PKNOX2: variants seen among roughly 807,000 people sequenced by gnomAD.
PKNOX2 encodes the protein homeobox protein PKNOX2.
A neutral mutation model predicts 53.1 loss-of-function variants in PKNOX2; 14 were observed. The observed-to-expected ratio is 0.26, with a 90% CI of 0.17 to 0.41. The LOEUF is 0.41. PKNOX2 is among the 10% of genes least tolerant of loss of function. The pLI is 1.00. For missense variants in PKNOX2, 496 were observed against 602.8 expected, an observed-to-expected ratio of 0.82 and a Z score of 1.85; for synonymous variants, 257 against 242.8, an observed-to-expected ratio of 1.06 and a Z score of -0.54.
chr11:125,297,445 T>C (rs1448821318), intron 2 of PKNOX2, among the ~76,000 whole-genome samples: 3 of 152,208 alleles, frequency 2.0e-5, no homozygotes, highest in Admixed American at 6.5e-5. Flanking sequence ...CTTAGAGCCA[T>C]GTGCGGTATA....
At chr11:125,428,883 C>G (rs781304094) in intron 10 of PKNOX2, 129 bp from the exon 11 acceptor site, 14 of 867,420 alleles carry the variant, frequency 1.6e-5, no homozygotes, top group Non-Finnish European at 2.2e-5. Flanking sequence ...CATGACACTT[C>G]CCCAATTTTG....
In PKNOX2 at chr11:125,281,944, G is replaced by A. The variant is rs931601645; in HGVS notation, c.-130+46829G>A. 4.6e-5 allele frequency among the ~76,000 whole-genome samples: 7 copies of A among 152,170 alleles called. No individual in the cohort carries two copies. In the South Asian group the frequency reaches 6.2e-4, roughly 14 times the overall value. ...GAAAGACCTAGGAAAAAAGACCATC[G>A]TTCCAAGTGGAGAGGGCTGACATTC... is the stretch of plus-strand genomic sequence containing the variant. On this transcript the variant is annotated intron_variant, in intron 2 of 12. Transcript: ENST00000298282.
intron 2 of PKNOX2, among the ~76,000 whole-genome samples, chr11:125,245,153 C>A (rs1219626766): frequency 6.6e-6 from 1 of 152,184 alleles, no homozygotes; most frequent in African/African-American, 2.4e-5. Context: ...AACTACTCAG[C>A]CTTGGTGGCT....
chr11:125,364,591 G>C (rs909280483), intron 4 of PKNOX2, among the ~76,000 whole-genome samples: 1 of 152,174 alleles, frequency 6.6e-6, no homozygotes, highest in Non-Finnish European at 1.5e-5. Flanking sequence ...CTAGTGGGCA[G>C]AGCAGAGCAC....
At chr11:125,371,491 G>C (rs1446513844) in intron 5 of PKNOX2, among the ~76,000 whole-genome samples, 1 of 152,150 alleles carries the variant, frequency 6.6e-6, no homozygotes, top group Non-Finnish European at 1.5e-5. Context: ...TGCCAGCGGC[G>C]CAGAGGCAGG....
rs557611808 is a variant in PKNOX2 at position 125,206,002 on chromosome 11, G to T, written c.-200-29043G>T. ...GCTAAGGGAATTCCAGGAAGAAAGA[G>T]ATGGCTGTGCACCGGGGTGATCTGG... On this transcript the variant is annotated intron_variant, in intron 1 of 12. Transcript: ENST00000298282. Among the ~76,000 whole-genome samples, 11 of 152,200 alleles carry T rather than the reference G, an allele frequency of 7.2e-5. No individual in the cohort carries two copies. The South Asian group carries it at 2.3e-3, about 32-fold the overall frequency.
At chr11:125,423,893 G>T (rs1487203973) in intron 10 of PKNOX2, among the ~76,000 whole-genome samples, 1 of 152,192 alleles carries the variant, frequency 6.6e-6, no homozygotes, top group African/African-American at 2.4e-5. Context: ...GGAAGGTGAA[G>T]AATGGGACAG....
chr11:125,207,025 C>CGGGGGGGG (rs11314422), intron 1 of PKNOX2, among the ~76,000 whole-genome samples: 1 of 119,300 alleles, frequency 8.4e-6, no homozygotes, highest in Non-Finnish European at 1.7e-5. Context: ...CTTCAGGTGG[C>CGGGGGGGG]GGGGGGTGAG....
intron 2 of PKNOX2, among the ~76,000 whole-genome samples, chr11:125,265,906 C>G (rs1180956264): frequency 6.6e-6 from 1 of 152,270 alleles, no homozygotes; most frequent in Middle Eastern, 3.4e-3. Flanking sequence ...ATTCCGCAAC[C>G]CTCAAACTTC....
intron 1 of PKNOX2, among the ~76,000 whole-genome samples, chr11:125,230,504 C>G (rs1282159598): frequency 6.6e-6 from 1 of 152,192 alleles, no homozygotes; most frequent in Non-Finnish European, 1.5e-5. Context: ...CCATCTCAAT[C>G]AGATTTTTCC....
At chr11:125,264,738 G>A (rs1307372435) in intron 2 of PKNOX2, among the ~76,000 whole-genome samples, 1 of 144,010 alleles carries the variant, frequency 6.9e-6, no homozygotes, top group Non-Finnish European at 1.5e-5. Context: ...ACACATCACA[G>A]CTGCAGCCAG....
At chr11:125,233,624 C>T (rs1565475321) in intron 1 of PKNOX2, among the ~76,000 whole-genome samples, 1 of 152,178 alleles carries the variant, frequency 6.6e-6, no homozygotes, top group Non-Finnish European at 1.5e-5. Flanking sequence ...TGAGGCACCT[C>T]CATGAGCTAT....
At chr11:125,195,754 A>T (rs1257906902) in intron 1 of PKNOX2, among the ~76,000 whole-genome samples, 3 of 152,214 alleles carry the variant, frequency 2.0e-5, no homozygotes, top group Non-Finnish European at 4.4e-5. Context: ...CCATCGGCAG[A>T]TGGCAATGCC....
chr11:125,346,870 A>C (rs554230805), intron 3 of PKNOX2, among the ~76,000 whole-genome samples: 156 of 151,800 alleles, frequency 1.0e-3, no homozygotes, highest in African/African-American at 3.7e-3. Context: ...GAAGACAGGC[A>C]GACCCAGGGC....
At chr11:125,179,089 G>A (rs559346360) in intron 1 of PKNOX2, among the ~76,000 whole-genome samples, 4 of 152,210 alleles carry the variant, frequency 2.6e-5, no homozygotes, top group South Asian at 2.1e-4. Flanking sequence ...TTGTCCCACC[G>A]TGTGTCCCCT....
At chr11:125,375,231 G>C (rs1253767530) in intron 5 of PKNOX2, among the ~76,000 whole-genome samples, 1 of 152,190 alleles carries the variant, frequency 6.6e-6, no homozygotes, top group African/African-American at 2.4e-5. Context: ...CTGTAAAAAT[G>C]TTAAGGCCTC....
intron 1 of PKNOX2, among the ~76,000 whole-genome samples, chr11:125,172,084 G>T (rs769158143): frequency 2.6e-5 from 4 of 152,164 alleles, no homozygotes; most frequent in African/African-American, 4.8e-5. Flanking sequence ...CTGGCCAGTG[G>T]GGGCATGAAA....
Position 125,240,063 on chromosome 11 carries a change from A to T in PKNOX2, c.-130+4948A>T, listed in dbSNP as rs1375619915. 6.6e-6 allele frequency: 1 copy of T among 152,240 alleles called. No individual in the cohort carries two copies. The highest frequency in any genetic ancestry group is 1.9e-4 in the East Asian group (1 of 5,198). The allele number at this position is 152,240 out of a possible 1,614,324, so 9.4% of individuals were successfully genotyped here. On this transcript the variant is annotated intron_variant, in intron 2 of 12. Transcript: ENST00000298282. This position sits in a 1 kb window ranked among gnomAD's most constrained non-coding sequence, Gnocchi z 4.3. ...TTATGCAAATAGACGTTATGCAATC[A>T]AGGCACTTTAGCAGGAATCTGGCGG... is the stretch of plus-strand genomic sequence containing the variant.
Position 125,411,733 on chromosome 11 carries a change from A to C in PKNOX2, c.817-13A>C, listed in dbSNP as rs1475868270. ...GGCTGCTGATGCTGATTTTCTCTCC[A>C]CGTGCCCTGAAGGTTAACCTTGACC... On this transcript the variant is annotated splice_polypyrimidine_tract_variant and intron_variant, in intron 9 of 12. Transcript: ENST00000298282. The C allele has an allele frequency of 6.2e-7, 1 of 1,613,928 alleles. No homozygotes were observed. The highest frequency in any genetic ancestry group is 8.5e-7 in the Non-Finnish European group (1 of 1,179,932).
Sources: gnomAD v4.1 joint callset for allele counts (sites outside exome capture counted in the v4.1 genomes callset) on GRCh38, gnomAD v4.1.1 for gene constraint, Gnocchi (gnomAD v3.1) non-coding constraint, MANE v1.5 for transcripts, NCBI Gene and HGNC (gene_info 2026-07-23, HGNC 2026-07-21) for gene names.